The following PCDH11Y variants were observed in gnomAD, a reference collection of about 807,000 sequenced individuals.
The protein encoded by PCDH11Y is protocadherin 11 Y-linked, also known as protocadherin-11 Y-linked.
For synonymous variants in PCDH11Y, 9 were observed against 83.6 expected (o/e 0.11, Z 4.87); for missense variants, 12 against 224.8 (o/e 0.05, Z 6.05).
chrY:5,040,143 A>G, intron 3 of PCDH11Y, among the ~76,000 whole-genome samples: 2 of 31,385 alleles, frequency 6.4e-5, no homozygotes, highest in Non-Finnish European at 1.5e-4. Flanking sequence ...TCAAAAAAAA[A>G]AAAAAAAAGT....
intron 4 of PCDH11Y, among the ~76,000 whole-genome samples, chrY:5,647,567 C>A (rs2053528263): frequency 3.0e-5 from 1 of 33,496 alleles, no homozygotes; most frequent in Non-Finnish European, 7.4e-5. Flanking sequence ...AGTGCAATGG[C>A]GCAATTTTGG....
chrY:5,626,491 T>C (rs1488664352), intron 4 of PCDH11Y, among the ~76,000 whole-genome samples: 15 of 32,775 alleles, frequency 4.6e-4, no homozygotes, highest in Non-Finnish European at 1.0e-3. Context: ...CTAGGCGTGA[T>C]ATTATGTTGC....
intron 2 of PCDH11Y, among the ~76,000 whole-genome samples, chrY:5,182,873 C>T: frequency 5.9e-5 from 2 of 33,868 alleles, no homozygotes; most frequent in Non-Finnish European, 1.5e-4. Flanking sequence ...CAATCTGCTG[C>T]CATTGGCTAG....
At chrY:5,476,430 TAAAAAAAAAA>T (rs1424925843) in intron 2 of PCDH11Y, among the ~76,000 whole-genome samples, 1 of 385 alleles carries the variant, frequency 2.6e-3, no homozygotes, top group African/African-American at 0.015. Flanking sequence ...GACCCTTTCT[TAAAAAAAAAA>T]AAAAAAAAAA....
chrY:5,242,079 G>T, intron 2 of PCDH11Y, among the ~76,000 whole-genome samples: 1 of 26,935 alleles, frequency 3.7e-5, no homozygotes, highest in Admixed American at 3.6e-4. Flanking sequence ...GCAAAACCTT[G>T]TCTCTATAAA....
chrY:5,453,360 G>A (rs2053294950), intron 2 of PCDH11Y, among the ~76,000 whole-genome samples: 1 of 33,556 alleles, frequency 3.0e-5, no homozygotes, highest in South Asian at 6.5e-4. Context: ...ACCCCCATCT[G>A]TCACTGTATA....
intron 3 of PCDH11Y, among the ~76,000 whole-genome samples, chrY:5,558,873 T>C (rs2053426276): frequency 3.2e-5 from 1 of 31,570 alleles, no homozygotes; most frequent in Non-Finnish European, 7.7e-5. Context: ...TTTCACTAGA[T>C]ATAGGAGAGA....
chrY:5,291,431 A>G (rs2053067262), intron 2 of PCDH11Y, among the ~76,000 whole-genome samples: 1 of 34,056 alleles, frequency 2.9e-5, no homozygotes, highest in Non-Finnish European at 7.3e-5. Flanking sequence ...GCAGTGGCTC[A>G]GGCCTGTAAT....
intron 3 of PCDH11Y, among the ~76,000 whole-genome samples, chrY:5,541,738 TC>T (rs2053407202): frequency 9.3e-4 from 24 of 25,883 alleles, no homozygotes; most frequent in Admixed American, 3.7e-3. Context: ...TTTCTTTCTT[TC>T]TTTCTTTCTT....
chrY:5,030,276 G>C, intron 1 of PCDH11Y, among the ~76,000 whole-genome samples: 1 of 33,358 alleles, frequency 3.0e-5, no homozygotes, highest in African/African-American at 1.2e-4. Flanking sequence ...AGCCAATATG[G>C]AAGGTTAAAT....
chrY:5,709,034 G>A, intron 4 of PCDH11Y, among the ~76,000 whole-genome samples: 1 of 31,803 alleles, frequency 3.1e-5, no homozygotes, highest in Non-Finnish European at 7.6e-5. Context: ...TTATTCCGCC[G>A]ATAACACCAC....
chrY:5,244,220 G>A (rs1602892559), intron 2 of PCDH11Y, among the ~76,000 whole-genome samples: 3 of 33,665 alleles, frequency 8.9e-5, no homozygotes, highest in Admixed American at 5.5e-4. Context: ...TGAAACTAAT[G>A]AGAATAAAGA....
chrY:5,045,900 G>T, intron 3 of PCDH11Y, among the ~76,000 whole-genome samples: 1 of 32,881 alleles, frequency 3.0e-5, no homozygotes, highest in Non-Finnish European at 7.5e-5. Context: ...CCAGTTGATC[G>T]CATCAGCTCC....
chrY:5,335,159 G>A (rs2053135200), intron 2 of PCDH11Y, among the ~76,000 whole-genome samples: 2 of 33,236 alleles, frequency 6.0e-5, no homozygotes, highest in Non-Finnish European at 1.5e-4. Flanking sequence ...CTGGCAGGCT[G>A]GGTGACTGCA....
At chrY:5,337,430 A>C (rs2053139447) in intron 2 of PCDH11Y, among the ~76,000 whole-genome samples, 1 of 32,952 alleles carries the variant, frequency 3.0e-5, no homozygotes, top group Non-Finnish European at 7.4e-5. Context: ...TATTTAAAAC[A>C]CTTAGTTTAT....
intron 2 of PCDH11Y, among the ~76,000 whole-genome samples, chrY:5,149,573 AACACAC>A (rs368668672): frequency 0.022 from 395 of 17,756 alleles, no homozygotes; most frequent in South Asian, 0.053. Flanking sequence ...CACACACACA[AACACAC>A]ACACACACAC....
intron 4 of PCDH11Y, among the ~76,000 whole-genome samples, chrY:5,728,300 T>G: frequency 3.0e-5 from 1 of 33,000 alleles, no homozygotes; most frequent in Non-Finnish European, 7.5e-5. Context: ...AATTGCTGGG[T>G]TTTTTTTCTG....
chrY:5,359,309 G>A (rs2053172422), intron 2 of PCDH11Y, among the ~76,000 whole-genome samples: 1 of 32,265 alleles, frequency 3.1e-5, no homozygotes. Flanking sequence ...CCTCTTTTTC[G>A]AGCATATAGG....
intron 2 of PCDH11Y, among the ~76,000 whole-genome samples, chrY:5,222,771 A>C: frequency 3.2e-5 from 1 of 31,516 alleles, no homozygotes; most frequent in South Asian, 7.4e-4. Flanking sequence ...TGCTGTGAAT[A>C]CAGGCATGAG....
Sources: allele counts gnomAD v4.1 joint callset (sites outside exome capture counted in the v4.1 genomes callset), GRCh38; gene constraint gnomAD v4.1.1; transcripts MANE v1.5; gene names NCBI Gene and HGNC (gene_info 2026-07-23, HGNC 2026-07-21).